The following ATP6V1C2 variants were observed in gnomAD, a reference collection of about 807,000 sequenced individuals.
The protein encoded by ATP6V1C2 is V-type proton ATPase subunit C 2.
A neutral mutation model predicts 56.8 loss-of-function variants in ATP6V1C2; 45 were observed. That is an observed-to-expected ratio of 0.79 (90% confidence interval 0.62 to 1.02). The LOEUF is 1.02. Among genes scored for constraint, ATP6V1C2 ranks in the 50% least tolerant of loss-of-function variants. The probability of loss-of-function intolerance (pLI) is 0.00; values close to 1 mark genes in which losing one functional copy is unlikely to be tolerated. For missense variants in ATP6V1C2, 463 were observed against 519.7 expected, an observed-to-expected ratio of 0.89 and a Z score of 1.06; for synonymous variants, 220 against 201.3, an observed-to-expected ratio of 1.09 and a Z score of -0.79.
intron 5 of ATP6V1C2, 116 bp downstream of exon 5, chr2:10,764,541 T>C: frequency 1.2e-6 from 1 of 851,814 alleles, no homozygotes; most frequent in South Asian, 1.5e-5. Context: ...TCTGGGTTTC[T>C]GAGGTGTGGC....
intron 5 of ATP6V1C2, among the ~76,000 whole-genome samples, chr2:10,765,183 A>G (rs1055582286): frequency 6.6e-6 from 1 of 152,074 alleles, no homozygotes; most frequent in Non-Finnish European, 1.5e-5. Flanking sequence ...GAGTGTCCTG[A>G]CAGTCCTCTG....
intron 12 of ATP6V1C2, among the ~76,000 whole-genome samples, chr2:10,781,997 T>C (rs1665390124): frequency 6.6e-6 from 1 of 152,238 alleles, no homozygotes. Context: ...TGGCCATTCA[T>C]GGCCAGAGGG....
At chr2:10,745,041 C>CTTTTTTTTTTTTTTTTTTTTTTTTTTTTT (rs5829274) in intron 3 of ATP6V1C2, among the ~76,000 whole-genome samples, 1 of 113,314 alleles carries the variant, frequency 8.8e-6, no homozygotes, top group South Asian at 2.9e-4. Context: ...TATTTATTTT[C>CTTTTTTTTTTTTTTTTTTTTTTTTTTTTT]TTTTTTTTTT....
At chr2:10,735,465 G>A (rs910494151) in intron 3 of ATP6V1C2, among the ~76,000 whole-genome samples, 4 of 152,092 alleles carry the variant, frequency 2.6e-5, no homozygotes, top group South Asian at 2.1e-4. Context: ...GAACTGCCAC[G>A]CCCAGCCTTA....
intron 8 of ATP6V1C2, among the ~76,000 whole-genome samples, chr2:10,774,268 A>G (rs1265870978): frequency 1.3e-5 from 2 of 150,850 alleles, no homozygotes; most frequent in African/African-American, 5.0e-5. Flanking sequence ...TCTTCTGGCC[A>G]ATAGGACTCA....
At chr2:10,772,041 C>A (rs1185930656) in intron 7 of ATP6V1C2, 104 bp downstream of exon 7, 3 of 946,516 alleles carry the variant, frequency 3.2e-6, no homozygotes, top group Non-Finnish European at 5.1e-6. Flanking sequence ...CCCTGCCCAG[C>A]CCCAGTTCTC....
chr2:10,764,547 G>C lies in ATP6V1C2; in HGVS notation c.378+122G>C. 1.9e-5 allele frequency: 15 copies of C among 800,008 alleles called. No individual in the cohort carries two copies. The South Asian group carries it at 2.4e-4, about 13-fold the overall frequency. 49.6% of individuals were successfully genotyped at this position (800,008 alleles called of 1,614,324 possible). On this transcript the variant is annotated intron_variant, in intron 5 of 13. Transcript: ENST00000272238. Reference sequence around the variant, plus strand: ...GACTGGGCCTCTGGGTTTCTGAGGTGTGGCCTCCTTCCATGCACTGGGCAG... The same window carrying C: ...GACTGGGCCTCTGGGTTTCTGAGGTCTGGCCTCCTTCCATGCACTGGGCAG...
chr2:10,740,797 C>T lies in ATP6V1C2; in HGVS notation c.198-13184C>T, dbSNP rs954830214. On this transcript the variant is annotated intron_variant, in intron 3 of 13. Coordinates refer to ENST00000272238, the MANE Select transcript of ATP6V1C2 (RefSeq NM_001039362.2). ...TGCCTCCCAGGTTCAAGTGATTCTG[C>T]TGCCTCAGCCTCCCAAGTAGCTGGG... Among the ~76,000 whole-genome samples the T allele has an allele frequency of 3.3e-5, 5 of 152,232 alleles. No individual in the cohort carries two copies. In the East Asian group the frequency reaches 7.7e-4, roughly 23 times the overall value.
At chr2:10,783,032 G>T in intron 13 of ATP6V1C2, 142 bp from the exon 14 acceptor site, 2 of 597,954 alleles carry the variant, frequency 3.3e-6, no homozygotes, top group Admixed American at 5.8e-5. Flanking sequence ...TTAAAGCACA[G>T]CAAGGAGAGG....
At chr2:10,749,291 T>TCAAGACCGGTCTGGGCAACATAG (rs1572544814) in intron 3 of ATP6V1C2, among the ~76,000 whole-genome samples, 1 of 152,042 alleles carries the variant, frequency 6.6e-6, no homozygotes, top group East Asian at 1.9e-4. Flanking sequence ...GGCCAGGAGT[T>TCAAGACCGGTCTGGGCAACATAG]CAAGACCGGT....
At chr2:10,726,435 G>A (rs371578415) in intron 2 of ATP6V1C2, 67 bp from the exon 3 acceptor site, 7 of 1,232,682 alleles carry the variant, frequency 5.7e-6, no homozygotes, top group African/African-American at 1.5e-5. Context: ...TCCCTGCCGT[G>A]TTGTTGAGAT....
At chr2:10,761,150 CAG>C (rs886344027) in intron 4 of ATP6V1C2, among the ~76,000 whole-genome samples, 6 of 152,116 alleles carry the variant, frequency 3.9e-5, no homozygotes, top group Non-Finnish European at 7.4e-5. Flanking sequence ...TGTTGAAGGA[CAG>C]AGGTACTGTG....
intron 2 of ATP6V1C2, 51 bp from the exon 3 acceptor site, chr2:10,726,451 C>T (rs910585160): frequency 4.2e-6 from 6 of 1,433,006 alleles, no homozygotes; most frequent in Non-Finnish European, 9.8e-7. Flanking sequence ...GAGATGGCAT[C>T]ATGCTTGGCC....
At chr2:10,747,134 GGT>G (rs1242675192) in intron 3 of ATP6V1C2, among the ~76,000 whole-genome samples, 2 of 152,098 alleles carry the variant, frequency 1.3e-5, no homozygotes, top group Non-Finnish European at 2.9e-5. Flanking sequence ...CAGTCATGGT[GGT>G]GCATGCCTGT....
chr2:10,727,389 GAAAA>G lies in ATP6V1C2; in HGVS notation c.197+835_197+838del, dbSNP rs34111959. The stretch of plus-strand genomic sequence containing the variant: ...CCCAGCCAAAAGACCTTGTTTCTAA[GAAAA>G]AAAAAAAAAAAAAATAGCTAGATGT... On this transcript the variant is annotated intron_variant, in intron 3 of 13. Transcript: ENST00000272238. 6.6e-3 allele frequency among the ~76,000 whole-genome samples: 774 copies of G among 116,576 alleles called. 6 individuals are homozygous for G. The highest frequency in any genetic ancestry group is 0.021 in the African/African-American group (730 of 34,546). The allele number at this position is 116,576 out of a possible 152,430, so 76.5% of individuals were successfully genotyped here.
chr2:10,745,615 A>G (rs571852488), intron 3 of ATP6V1C2, among the ~76,000 whole-genome samples: 43 of 152,274 alleles, frequency 2.8e-4, no homozygotes, highest in African/African-American at 9.9e-4. Flanking sequence ...TGCTGGGTTT[A>G]CAGGCATGAG....
chr2:10,776,678 C>T (rs1310341557), intron 10 of ATP6V1C2, among the ~76,000 whole-genome samples: 1 of 152,220 alleles, frequency 6.6e-6, no homozygotes, highest in Non-Finnish European at 1.5e-5. Flanking sequence ...ACCGTGGCAG[C>T]CTCCACACCA....
chr2:10,774,950 T>G, intron 9 of ATP6V1C2, 28 bp from the exon 10 acceptor site: 1 of 1,612,800 alleles, frequency 6.2e-7, no homozygotes, highest in Non-Finnish European at 8.5e-7. Flanking sequence ...AGCTTCTGAG[T>G]GAAAACCCAT....
At chr2:10,770,849 T>C (rs999153993) in intron 6 of ATP6V1C2, among the ~76,000 whole-genome samples, 2 of 152,248 alleles carry the variant, frequency 1.3e-5, no homozygotes, top group African/African-American at 4.8e-5. Context: ...GGCCCGATGC[T>C]AGACCCTAAA....
Sources: gnomAD v4.1 joint callset for allele counts (sites outside exome capture counted in the v4.1 genomes callset) on GRCh38, gnomAD v4.1.1 for gene constraint, MANE v1.5 for transcripts, NCBI Gene and HGNC (gene_info 2026-07-23, HGNC 2026-07-21) for gene names.